The following CTNNA3 variants were observed in gnomAD, a reference collection of about 807,000 sequenced individuals.
The protein encoded by CTNNA3 is catenin alpha 3.
A neutral mutation model predicts 95.7 loss-of-function variants in CTNNA3; 76 were observed. That is an observed-to-expected ratio of 0.79 (90% confidence interval 0.66 to 0.96). The LOEUF is 0.96. Among genes scored for constraint, CTNNA3 ranks in the 40% least tolerant of loss-of-function variants. CTNNA3 has a pLI of 0.00. For missense variants in CTNNA3, 1,191 were observed against 1,089.8 expected (o/e 1.09, Z -1.31); for synonymous variants, 431 against 374.4 (o/e 1.15, Z -1.74).
intron 7 of CTNNA3, among the ~76,000 whole-genome samples, chr10:66,867,467 C>A (rs1053269976): frequency 7.2e-5 from 11 of 152,082 alleles, no homozygotes; most frequent in African/African-American, 2.7e-4. Flanking sequence ...CAGGACATTC[C>A]AGGGGGAGAT....
intron 2 of CTNNA3, among the ~76,000 whole-genome samples, chr10:67,615,820 G>A (rs1021514035): frequency 1.3e-5 from 2 of 151,988 alleles, no homozygotes; most frequent in African/African-American, 2.4e-5. Flanking sequence ...CTGTCACCAC[G>A]CCCAGCTAAT....
At chr10:67,020,835 G>A (rs924470324) in intron 7 of CTNNA3, among the ~76,000 whole-genome samples, 1 of 152,102 alleles carries the variant, frequency 6.6e-6, no homozygotes, top group African/African-American at 2.4e-5. Flanking sequence ...TGGAACAGAG[G>A]GGCTTCAGAT....
intron 14 of CTNNA3, among the ~76,000 whole-genome samples, chr10:66,082,719 T>C (rs2080810851): frequency 6.6e-6 from 1 of 152,170 alleles, no homozygotes; most frequent in South Asian, 2.1e-4. Context: ...ATAAAATTAC[T>C]TCAAAATAAA....
intron 10 of CTNNA3, among the ~76,000 whole-genome samples, chr10:66,521,601 G>A (rs2132023678): frequency 6.6e-6 from 1 of 152,188 alleles, no homozygotes; most frequent in East Asian, 1.9e-4. Flanking sequence ...ACATTCTTGG[G>A]CATATTTCTG....
At chr10:66,899,189 T>C (rs1326847105) in intron 7 of CTNNA3, among the ~76,000 whole-genome samples, 3 of 152,156 alleles carry the variant, frequency 2.0e-5, no homozygotes, top group Non-Finnish European at 4.4e-5. Context: ...ATGGCTATTA[T>C]AGAAAAATAC....
chr10:66,171,477 C>T (rs975189162), intron 13 of CTNNA3, among the ~76,000 whole-genome samples: 16 of 150,294 alleles, frequency 1.1e-4, no homozygotes, highest in East Asian at 5.9e-4. Flanking sequence ...ATCTGGGAGG[C>T]GGAAGTTGCA....
intron 5 of CTNNA3, among the ~76,000 whole-genome samples, chr10:67,320,321 T>G (rs1269960512): frequency 1.3e-5 from 2 of 152,144 alleles, no homozygotes; most frequent in Non-Finnish European, 2.9e-5. Context: ...TCTTTGAGTA[T>G]GTGCAGAACA....
intron 13 of CTNNA3, among the ~76,000 whole-genome samples, chr10:66,221,727 T>C (rs551302158): frequency 1.3e-5 from 2 of 152,324 alleles, no homozygotes; most frequent in South Asian, 2.1e-4. Context: ...ATAGGTCAGT[T>C]AACTTTTAGA....
chr10:67,628,250 C>CA lies in CTNNA3; in HGVS notation c.99+19164dup, dbSNP rs199962864. ...TTTGGTTCACATTTTGAGTAAACTG[C>CA]AAAAAAAAAAAAAGGGGAGAAACAG... is the stretch of plus-strand genomic sequence containing the variant. On this transcript the variant is annotated intron_variant, in intron 2 of 17. Transcript: ENST00000433211. 6.7e-3 allele frequency among the ~76,000 whole-genome samples: 819 copies of CA among 121,542 alleles called. 1 individual carries two copies. The highest frequency in any genetic ancestry group is 0.015 in the South Asian group (59 of 3,938). 79.7% of individuals were successfully genotyped at this position (121,542 alleles called of 152,430 possible).
At chr10:66,447,115 C>T (rs953864093) in intron 11 of CTNNA3, among the ~76,000 whole-genome samples, 2 of 151,762 alleles carry the variant, frequency 1.3e-5, no homozygotes, top group African/African-American at 4.8e-5. Context: ...ATCCAACTTA[C>T]AAGGGATGTG....
At chr10:66,002,578 T>G (rs2078791239) in intron 15 of CTNNA3, among the ~76,000 whole-genome samples, 1 of 152,212 alleles carries the variant, frequency 6.6e-6, no homozygotes. Flanking sequence ...CACTCTCACA[T>G]GATAGTCCAG....
chr10:66,530,665 T>C (rs771060496), intron 10 of CTNNA3, among the ~76,000 whole-genome samples: 5 of 152,120 alleles, frequency 3.3e-5, no homozygotes, highest in Non-Finnish European at 7.4e-5. Context: ...TAACCTGCCA[T>C]GGACTCCAGG....
intron 11 of CTNNA3, among the ~76,000 whole-genome samples, chr10:66,445,925 A>G (rs898849293): frequency 1.3e-4 from 20 of 152,306 alleles, no homozygotes; most frequent in African/African-American, 4.6e-4. Flanking sequence ...ATAGACCGCT[A>G]TCAAGGCTAA....
At chr10:67,714,702 AAAT>A (rs1304951123) in intron 1 of CTNNA3, among the ~76,000 whole-genome samples, 1 of 152,146 alleles carries the variant, frequency 6.6e-6, no homozygotes, top group Non-Finnish European at 1.5e-5. Flanking sequence ...GCCAGGGGTG[AAAT>A]AATATGGTTT....
intron 7 of CTNNA3, among the ~76,000 whole-genome samples, chr10:67,084,532 A>G (rs1200539286): frequency 2.0e-5 from 3 of 152,090 alleles, no homozygotes; most frequent in East Asian, 3.9e-4. Context: ...ATGAGAAAAA[A>G]TCATTTTCAC....
chr10:67,568,355 T>C (rs10997725), intron 3 of CTNNA3, among the ~76,000 whole-genome samples: 19,717 of 151,802 alleles, frequency 0.13, 1,564 homozygotes, highest in East Asian at 0.3. Flanking sequence ...GTACTTAATC[T>C]TCCTATCAGT....
chr10:66,885,882 A>C (rs1845024358), intron 7 of CTNNA3, among the ~76,000 whole-genome samples: 1 of 152,184 alleles, frequency 6.6e-6, no homozygotes, highest in Non-Finnish European at 1.5e-5. Flanking sequence ...AATTTATCAC[A>C]CCAGTTACTG....
intron 1 of CTNNA3, among the ~76,000 whole-genome samples, chr10:67,718,428 G>T (rs754215483): frequency 3.9e-5 from 6 of 152,186 alleles, no homozygotes; most frequent in Non-Finnish European, 8.8e-5. Context: ...TGCCCATTCA[G>T]AATGATACTG....
intron 15 of CTNNA3, among the ~76,000 whole-genome samples, chr10:66,046,862 C>G (rs1172124581): frequency 6.6e-6 from 1 of 152,030 alleles, no homozygotes; most frequent in East Asian, 1.9e-4. Context: ...TCTAGGCACA[C>G]AAACTAGAAA....
Sources: allele counts gnomAD v4.1 joint callset (sites outside exome capture counted in the v4.1 genomes callset), GRCh38; gene constraint gnomAD v4.1.1; transcripts MANE v1.5; gene names NCBI Gene and HGNC (gene_info 2026-07-23, HGNC 2026-07-21).